DNAH7: variants seen among roughly 807,000 people sequenced by gnomAD.
DNAH7 encodes the protein dynein axonemal heavy chain 7, also known as axonemal beta dynein heavy chain 7.
A neutral mutation model predicts 444.6 loss-of-function variants in DNAH7; 397 were observed. The ratio of observed to expected loss-of-function variants is 0.89; its 90% confidence interval spans 0.82 to 0.97. The LOEUF (loss-of-function observed/expected upper bound fraction) is 0.97, where lower values mean the gene tolerates loss of function less well. Ranked by LOEUF, DNAH7 falls within the 50% of genes least tolerant of loss-of-function variation. The probability of loss-of-function intolerance (pLI) is 0.00; values close to 1 mark genes in which losing one functional copy is unlikely to be tolerated. For synonymous variants in DNAH7, 1,636 were observed against 1,624.4 expected (o/e 1.01, Z -0.17); for missense variants, 4,902 against 4,800.8 (o/e 1.02, Z -0.62).
At chr2:195,854,100 A>G (rs1456797789) in intron 45 of DNAH7, among the ~76,000 whole-genome samples, 2 of 152,208 alleles carry the variant, frequency 1.3e-5, no homozygotes, top group Non-Finnish European at 2.9e-5. Flanking sequence ...ACCAAATGTG[A>G]TTATATGTAA....
chr2:195,933,398 G>A (rs1295938354), intron 21 of DNAH7, among the ~76,000 whole-genome samples: 1 of 151,990 alleles, frequency 6.6e-6, no homozygotes, highest in Admixed American at 6.6e-5. Flanking sequence ...CCCATTACTG[G>A]GTCTATACCT....
intron 5 of DNAH7, among the ~76,000 whole-genome samples, chr2:196,047,005 G>A (rs1035635529): frequency 2.6e-5 from 4 of 152,050 alleles, no homozygotes; most frequent in Non-Finnish European, 5.9e-5. Context: ...TATACAAGGA[G>A]AATCACAATG....
chr2:195,913,670 T>C (rs1687492946), intron 24 of DNAH7, among the ~76,000 whole-genome samples: 1 of 152,244 alleles, frequency 6.6e-6, no homozygotes, highest in Admixed American at 6.5e-5. Flanking sequence ...CAATATTAGA[T>C]CTCCTAATAT....
At chr2:195,969,711 C>CT (rs1469269927) in intron 17 of DNAH7, among the ~76,000 whole-genome samples, 1 of 152,128 alleles carries the variant, frequency 6.6e-6, no homozygotes, top group South Asian at 2.1e-4. Context: ...AAAAAGAAGA[C>CT]TGAGATATAA....
intron 56 of DNAH7, 119 bp downstream of exon 56, chr2:195,796,457 G>A: frequency 8.3e-7 from 1 of 1,206,298 alleles, no homozygotes; most frequent in Non-Finnish European, 1.1e-6. Flanking sequence ...CTGCAATCCA[G>A]CCAAAGCACT....
At chr2:195,853,720 A>C (rs959529494) in intron 45 of DNAH7, among the ~76,000 whole-genome samples, 192 bp from the exon 46 acceptor site, 2 of 152,216 alleles carry the variant, frequency 1.3e-5, no homozygotes, top group African/African-American at 4.8e-5. Context: ...AATATAATTC[A>C]TGAAATTAAT....
At chr2:195,936,918 T>C (rs1689093903) in intron 19 of DNAH7, 126 bp from the exon 20 acceptor site, 3 of 827,238 alleles carry the variant, frequency 3.6e-6, no homozygotes, top group South Asian at 3.1e-5. Flanking sequence ...AAGGGGAGTA[T>C]TTGTTTTTTA....
intron 1 of DNAH7, among the ~76,000 whole-genome samples, chr2:196,063,054 G>A (rs1210325893): frequency 6.6e-6 from 1 of 152,050 alleles, no homozygotes; most frequent in Non-Finnish European, 1.5e-5. Context: ...GCTAATTTTT[G>A]TATTTTGAGT....
At position 195,822,331 on chromosome 2, in the gene DNAH7, C is replaced by A. The variant is rs74370009; in HGVS notation, c.9291+1924G>T. ...GTTCAGACACAAGGAAGTATCCATT[C>A]ATATTCCATTAATGTTGGGTCCTTT... On this transcript the variant is annotated intron_variant, in intron 49 of 64. Coordinates refer to ENST00000312428, the MANE Select transcript of DNAH7 (RefSeq NM_018897.3). Among the ~76,000 whole-genome samples the A allele has an allele frequency of 1.9e-3, 283 of 152,290 alleles. 1 individual carries two copies. Among genetic ancestry groups the A allele is most frequent in the African/African-American group, 6.5e-3 (270 of 41,562 alleles).
Position 195,884,935 on chromosome 2 carries a change from G to A in DNAH7, c.5539-126C>T, listed in dbSNP as rs1297850844. On this transcript the variant is annotated intron_variant, in intron 34 of 64. Transcript: ENST00000312428. Reference sequence around the variant, plus strand: ...GAAACACGTAAGCTCAAATATATTAGTAGGTCATCTCAGGATTTTGTAATC... The same window carrying A: ...GAAACACGTAAGCTCAAATATATTAATAGGTCATCTCAGGATTTTGTAATC... 3 of 697,332 alleles carry A rather than the reference G, an allele frequency of 4.3e-6. No individual in the cohort carries two copies. The African/African-American group carries it at 5.4e-5, about 13-fold the overall frequency. The allele number at this position is 697,332 out of a possible 1,614,324, so 43.2% of individuals were successfully genotyped here.
At chr2:196,039,255 A>C (rs910756569) in intron 5 of DNAH7, among the ~76,000 whole-genome samples, 1 of 152,180 alleles carries the variant, frequency 6.6e-6, no homozygotes, top group East Asian at 1.9e-4. Context: ...CCAAGCAACC[A>C]CTGGATCAAT....
chr2:196,033,253 T>A (rs1459521125), intron 5 of DNAH7, among the ~76,000 whole-genome samples: 1 of 152,234 alleles, frequency 6.6e-6, no homozygotes, highest in Non-Finnish European at 1.5e-5. Context: ...CAATGTGGAA[T>A]AATTAAAGCT....
At position 196,047,414 on chromosome 2, in the gene DNAH7, T is replaced by C. The variant is rs749080745; in HGVS notation, c.336A>G (p.Ser112=). ...DSYVGPSTSK[S]KGKSPHKERE... ...GTTCTTTATGTGGAGATTTGCCCTTTGATTTGGAAGTAGATGGTCCAACAT... is the reference window on the plus strand; with the variant it reads ...GTTCTTTATGTGGAGATTTGCCCTTCGATTTGGAAGTAGATGGTCCAACAT... Residue 112 remains serine (S), a synonymous_variant, in exon 5 of 65, where the codon TCA becomes TCG. Coordinates refer to ENST00000312428, the MANE Select transcript of DNAH7 (RefSeq NM_018897.3). 16 of 1,604,702 alleles carry C rather than the reference T, an allele frequency of 1.0e-5. No individual in the cohort carries two copies. The highest frequency in any genetic ancestry group is 1.4e-5 in the Non-Finnish European group (16 of 1,174,838).
At chr2:195,841,489 T>C (rs1698680708) in intron 47 of DNAH7, among the ~76,000 whole-genome samples, 1 of 151,938 alleles carries the variant, frequency 6.6e-6, no homozygotes, top group South Asian at 2.1e-4. Context: ...AATAAAATTT[T>C]AAAGGAGATA....
intron 34 of DNAH7, among the ~76,000 whole-genome samples, chr2:195,885,611 A>T (rs1400470665): frequency 6.6e-6 from 1 of 152,194 alleles, no homozygotes; most frequent in Non-Finnish European, 1.5e-5. Flanking sequence ...ATGCAGTAAT[A>T]TTTTCATTAA....
At chr2:195,823,384 C>T (rs775111190) in intron 49 of DNAH7, among the ~76,000 whole-genome samples, 2 of 152,152 alleles carry the variant, frequency 1.3e-5, no homozygotes, top group African/African-American at 4.8e-5. Flanking sequence ...TTTGCATACA[C>T]ATTATTTATA....
intron 5 of DNAH7, among the ~76,000 whole-genome samples, chr2:196,047,052 T>C (rs1032878464): frequency 3.3e-5 from 5 of 150,792 alleles, no homozygotes; most frequent in African/African-American, 1.2e-4. Context: ...GCAGATGAGA[T>C]TGGGGAAAAA....
intron 63 of DNAH7, among the ~76,000 whole-genome samples, chr2:195,742,294 A>G (rs1278997212): frequency 2.6e-5 from 4 of 152,206 alleles, no homozygotes; most frequent in Non-Finnish European, 4.4e-5. Context: ...ATGGAATACA[A>G]TGGAAAAGAA....
At chr2:195,792,607 C>G (rs1695938571) in intron 57 of DNAH7, among the ~76,000 whole-genome samples, 1 of 152,088 alleles carries the variant, frequency 6.6e-6, no homozygotes, top group South Asian at 2.1e-4. Context: ...ATTACTGCAT[C>G]AACTGACAAA....
Sources: gnomAD v4.1 joint callset for allele counts (sites outside exome capture counted in the v4.1 genomes callset) on GRCh38, gnomAD v4.1.1 for gene constraint, MANE v1.5 for transcripts, NCBI Gene and HGNC (gene_info 2026-07-23, HGNC 2026-07-21) for gene names.